The following TNFRSF11B variants were observed in gnomAD, a reference collection of about 807,000 sequenced individuals.
The protein encoded by TNFRSF11B is tumor necrosis factor receptor superfamily member 11B.
A neutral mutation model predicts 43.4 loss-of-function variants in TNFRSF11B; 16 were observed. That is an observed-to-expected ratio of 0.37 (90% CI 0.25 to 0.56). The LOEUF (loss-of-function observed/expected upper bound fraction) is 0.56, where lower values mean the gene tolerates loss of function less well. Among genes scored for constraint, TNFRSF11B ranks in the 20% least tolerant of loss-of-function variants. The pLI, the probability that TNFRSF11B is intolerant of heterozygous loss-of-function variation, is 0.80. For synonymous variants in TNFRSF11B, 185 were observed against 181.8 expected (o/e 1.02, Z -0.14); for missense variants, 444 against 490.1 (o/e 0.91, Z 0.89).
intron 1 of TNFRSF11B, among the ~76,000 whole-genome samples, chr8:118,949,117 A>G (rs944340645): frequency 3.3e-5 from 5 of 152,062 alleles, no homozygotes; most frequent in Non-Finnish European, 2.9e-5. Context: ...AGGAAAGCCC[A>G]TGTCTATGAC....
intron 1 of TNFRSF11B, 111 bp downstream of exon 1, chr8:118,951,681 G>A (rs1812648107): frequency 1.9e-6 from 2 of 1,075,032 alleles, no homozygotes; most frequent in South Asian, 2.7e-5. Flanking sequence ...AGCCTCTCCT[G>A]GGAGGGAGCG....
chr8:118,951,865 C>T lies in TNFRSF11B; in HGVS notation c.-44G>A. 3 of 1,553,994 alleles carry T rather than the reference C, an allele frequency of 1.9e-6. No individual in the cohort carries two copies. Among genetic ancestry groups the T allele is most frequent in the Non-Finnish European group, 2.6e-6 (3 of 1,145,062 alleles). On this transcript the variant is annotated 5_prime_UTR_variant, in exon 1 of 5. Coordinates refer to ENST00000297350, the MANE Select transcript of TNFRSF11B (RefSeq NM_002546.4). ...CAGGGGCTTGGAGGCGGCGGCTGGGCGAGCGCTCCGGTGCGTCTCCGCAGC... is the reference window on the plus strand; with the variant it reads ...CAGGGGCTTGGAGGCGGCGGCTGGGTGAGCGCTCCGGTGCGTCTCCGCAGC...
chr8:118,946,927 T>G (rs1228359313), intron 1 of TNFRSF11B, among the ~76,000 whole-genome samples: 1 of 152,146 alleles, frequency 6.6e-6, no homozygotes, highest in Middle Eastern at 3.2e-3. Flanking sequence ...TGTTCTCCAC[T>G]CAGTAGCTGT....
At chr8:118,936,923 C>T (rs924307025) in intron 1 of TNFRSF11B, among the ~76,000 whole-genome samples, 2 of 152,162 alleles carry the variant, frequency 1.3e-5, no homozygotes, top group African/African-American at 2.4e-5. Context: ...TCCTCCCATT[C>T]CCTGGCTACC....
intron 1 of TNFRSF11B, among the ~76,000 whole-genome samples, chr8:118,949,333 C>T (rs113314575): frequency 7.2e-5 from 11 of 152,270 alleles, no homozygotes; most frequent in African/African-American, 2.6e-4. Flanking sequence ...ATGGCCATCT[C>T]TCCCTCCTCT....
chr8:118,926,447 A>T, intron 4 of TNFRSF11B, 47 bp downstream of exon 4: 1 of 1,470,488 alleles, frequency 6.8e-7, no homozygotes, highest in Non-Finnish European at 9.5e-7. Context: ...TATGATAAAT[A>T]GGTGTCTTTG....
chr8:118,945,081 G>T (rs1356191524), intron 1 of TNFRSF11B, among the ~76,000 whole-genome samples: 1 of 151,992 alleles, frequency 6.6e-6, no homozygotes. Flanking sequence ...ACTATCTAAA[G>T]GTAGGTAACA....
intron 4 of TNFRSF11B, among the ~76,000 whole-genome samples, chr8:118,925,458 G>GA (rs11573934): frequency 0.015 from 2,212 of 152,246 alleles, 45 homozygotes; most frequent in African/African-American, 0.051. Flanking sequence ...CAATTCTAAC[G>GA]GTCTCTGATT....
At chr8:118,943,690 C>T (rs573531901) in intron 1 of TNFRSF11B, among the ~76,000 whole-genome samples, 43 of 152,158 alleles carry the variant, frequency 2.8e-4, no homozygotes, top group Admixed American at 4.6e-4. Flanking sequence ...AAATACAGTA[C>T]CTATTCTAAA....
chr8:118,930,134 T>A (rs1303695186), intron 2 of TNFRSF11B, among the ~76,000 whole-genome samples: 1 of 152,192 alleles, frequency 6.6e-6, no homozygotes, highest in Non-Finnish European at 1.5e-5. Flanking sequence ...ATTTCCAGCA[T>A]TGCACTGACA....
chr8:118,924,501 G>T lies in TNFRSF11B; in HGVS notation c.1079C>A (p.Thr360Asn). 1.2e-6 allele frequency: 2 copies of T among 1,614,042 alleles called. No homozygotes were observed. Among genetic ancestry groups the T allele is most frequent in the Non-Finnish European group, 1.7e-6 (2 of 1,179,924 alleles). The change falls in exon 5 of 5, where the codon ACT becomes AAT. Residue 360 changes from threonine to asparagine, a missense_variant. Coordinates refer to ENST00000297350, the MANE Select transcript of TNFRSF11B (RefSeq NM_002546.4). ...GGTCTTCTTTAGACTCTGAGTGACA[G>T]TTTTGGGAAAGTGGTACGTCTTTGA... ...KHSKTYHFPK[T>N]VTQSLKKTIR...
intron 1 of TNFRSF11B, among the ~76,000 whole-genome samples, chr8:118,934,953 C>A (rs1812381609): frequency 6.6e-6 from 1 of 152,134 alleles, no homozygotes; most frequent in Non-Finnish European, 1.5e-5. Flanking sequence ...GGGAACATGG[C>A]AAGTGTTTGG....
chr8:118,925,639 T>G (rs894626797), intron 4 of TNFRSF11B, among the ~76,000 whole-genome samples: 1 of 152,222 alleles, frequency 6.6e-6, no homozygotes, highest in Non-Finnish European at 1.5e-5. Flanking sequence ...TTTAGGGTAG[T>G]GCAAGACTAT....
intron 1 of TNFRSF11B, 140 bp from the exon 2 acceptor site, chr8:118,933,440 T>C: frequency 7.6e-7 from 1 of 1,314,848 alleles, no homozygotes; most frequent in African/African-American, 1.5e-5. Context: ...TTGGAAGCCA[T>C]AATTTTTGCC....
At chr8:118,928,367 T>G (rs3134043) in intron 3 of TNFRSF11B, among the ~76,000 whole-genome samples, 1 of 152,170 alleles carries the variant, frequency 6.6e-6, no homozygotes, top group African/African-American at 2.4e-5. Flanking sequence ...AGTTGCCAAT[T>G]TATACTTTAG....
chr8:118,944,970 C>A (rs1812536392), intron 1 of TNFRSF11B, among the ~76,000 whole-genome samples: 1 of 152,084 alleles, frequency 6.6e-6, no homozygotes, highest in Non-Finnish European at 1.5e-5. Context: ...AACTTCTATG[C>A]ATATTGGCTA....
At chr8:118,941,783 GC>G (rs1377071246) in intron 1 of TNFRSF11B, among the ~76,000 whole-genome samples, 3 of 152,152 alleles carry the variant, frequency 2.0e-5, no homozygotes, top group Non-Finnish European at 2.9e-5. Flanking sequence ...GCAGGCATAT[GC>G]TTAAAATTTT....
At chr8:118,937,476 C>G (rs1055137880) in intron 1 of TNFRSF11B, among the ~76,000 whole-genome samples, 1 of 152,176 alleles carries the variant, frequency 6.6e-6, no homozygotes, top group Non-Finnish European at 1.5e-5. Context: ...AGCAAGCCAG[C>G]TCATGTTTGA....
At chr8:118,944,311 T>G (rs11573848) in intron 1 of TNFRSF11B, among the ~76,000 whole-genome samples, 2,216 of 152,260 alleles carry the variant, frequency 0.015, 42 homozygotes, top group African/African-American at 0.051. Flanking sequence ...TATTGCTGAT[T>G]TGCTGTCAAG....
Sources: allele counts gnomAD v4.1 joint callset (sites outside exome capture counted in the v4.1 genomes callset), GRCh38; gene constraint gnomAD v4.1.1; transcripts MANE v1.5; gene names NCBI Gene and HGNC (gene_info 2026-07-23, HGNC 2026-07-21).